ADCY5: variants seen among roughly 807,000 people sequenced by gnomAD.
ADCY5 encodes adenylate cyclase 5.
In ADCY5, 30 loss-of-function variants were observed where a neutral mutation model predicts 119.7. That is an observed-to-expected ratio of 0.25 (90% confidence interval 0.19 to 0.34). ADCY5 has a LOEUF of 0.34. ADCY5 is among the 10% of genes least tolerant of loss of function. The probability of loss-of-function intolerance (pLI) is 1.00; values close to 1 mark genes in which losing one functional copy is unlikely to be tolerated. For synonymous variants in ADCY5, 753 were observed against 762.2 expected, an observed-to-expected ratio of 0.99 and a Z score of 0.20; for missense variants, 1,324 against 1,775.2, an observed-to-expected ratio of 0.75 and a Z score of 4.57.
At chr3:123,313,345 G>A (rs1406705849) in intron 12 of ADCY5, among the ~76,000 whole-genome samples, 2 of 152,226 alleles carry the variant, frequency 1.3e-5, no homozygotes, top group South Asian at 4.1e-4. Flanking sequence ...CCAGAAGGAA[G>A]ACATGGTGCT....
At chr3:123,397,217 G>A (rs1316241817) in intron 1 of ADCY5, among the ~76,000 whole-genome samples, 2 of 152,168 alleles carry the variant, frequency 1.3e-5, no homozygotes, top group Non-Finnish European at 2.9e-5. Flanking sequence ...CTGCAGCACA[G>A]CAGAGGGGGA....
intron 1 of ADCY5, among the ~76,000 whole-genome samples, chr3:123,376,499 A>G (rs1943838630): frequency 6.6e-6 from 1 of 152,108 alleles, no homozygotes; most frequent in Admixed American, 6.5e-5. Flanking sequence ...TATTTTTGAG[A>G]AAAGTGTCAT....
Position 123,345,227 on chromosome 3 carries a change from T to C in ADCY5, c.1406+2555A>G, listed in dbSNP as rs567200543. ...AGAGCCAGCACCGTGGAACGAGGAA[T>C]AGGAAGATGCCTGCTGAGTGGGAGA... On this transcript the variant is annotated intron_variant, in intron 3 of 20. Coordinates refer to ENST00000462833, the MANE Select transcript of ADCY5 (RefSeq NM_183357.3). Among the ~76,000 whole-genome samples the C allele has an allele frequency of 7.2e-5, 11 of 152,220 alleles. No homozygotes were observed. The East Asian group carries it at 2.1e-3, about 29-fold the overall frequency.
In ADCY5 at chr3:123,448,083, A is replaced by C. The variant is rs1167734608; in HGVS notation, c.463T>G (p.Ser155Ala). 4.9e-6 allele frequency: 6 copies of C among 1,217,796 alleles called. No individual in the cohort carries two copies. Among genetic ancestry groups the C allele is most frequent in the Middle Eastern group, 3.2e-4 (1 of 3,082 alleles). 75.4% of individuals were successfully genotyped at this position (1,217,796 alleles called of 1,614,324 possible). A position where few individuals can be genotyped will look rare whatever the true frequency, so the allele number is the denominator to read the frequency against. ...CGCTCCTCCAGACCCACCTCCACCG[A>C]GCGAGGGCGCACCTCCGTCCCGCCC... ...SAGGTEVRPR[S>A]VEVGLEERRG... is the part of the protein sequence containing the mutation. Residue 155 changes from serine (S) to alanine (A), a missense_variant, in exon 1 of 21, where the codon TCG becomes GCG. Physicochemically the swap from Ser to Ala is moderately conservative, Grantham distance 99. This residue lies in a region of ADCY5 where 585 missense variants were observed against 569.9 expected (regional missense o/e 1.03). Coordinates refer to ENST00000462833, the MANE Select transcript of ADCY5 (RefSeq NM_183357.3).
intron 17 of ADCY5, among the ~76,000 whole-genome samples, chr3:123,295,318 C>T (rs1170343376): frequency 6.6e-6 from 1 of 152,230 alleles, no homozygotes; most frequent in African/African-American, 2.4e-5. Flanking sequence ...GAGGCCGGGC[C>T]AGGCTAAGCT....
In ADCY5 at chr3:123,290,011, G is replaced by A. The variant is rs144613278; in HGVS notation, c.3328-57C>T. ...CAAGCCTGGGACACCGAGGGCCACA[G>A]GGAGGGACAGAGGATGTCCAGGGAA... is the stretch of plus-strand genomic sequence containing the variant. On this transcript the variant is annotated intron_variant, in intron 18 of 20. Transcript: ENST00000462833. The A allele has an allele frequency of 7.5e-5, 118 of 1,565,924 alleles. No homozygotes were observed. In the African/African-American group the frequency reaches 1.5e-3, roughly 20 times the overall value.
At chr3:123,395,127 G>C (rs1944505765) in intron 1 of ADCY5, among the ~76,000 whole-genome samples, 1 of 152,184 alleles carries the variant, frequency 6.6e-6, no homozygotes. Context: ...TCCCCACTCA[G>C]AGGGCTGACC....
At chr3:123,414,121 G>C (rs1945129046) in intron 1 of ADCY5, among the ~76,000 whole-genome samples, 1 of 152,142 alleles carries the variant, frequency 6.6e-6, no homozygotes. Flanking sequence ...CCTGTGATGA[G>C]TCAATGAAGA....
intron 1 of ADCY5, among the ~76,000 whole-genome samples, chr3:123,384,594 C>T (rs6790540): frequency 0.48 from 72,502 of 152,050 alleles, 18,108 homozygotes; most frequent in East Asian, 0.68. Context: ...CCTCTGACCC[C>T]AGAACCAAGC....
intron 1 of ADCY5, among the ~76,000 whole-genome samples, chr3:123,380,790 C>G (rs1336229317): frequency 1.3e-5 from 2 of 152,172 alleles, no homozygotes; most frequent in Non-Finnish European, 2.9e-5. Context: ...AACATGTCAT[C>G]AACATCATTA....
At chr3:123,349,380 C>G (rs1294293478) in intron 2 of ADCY5, among the ~76,000 whole-genome samples, 3 of 152,208 alleles carry the variant, frequency 2.0e-5, no homozygotes, top group Non-Finnish European at 4.4e-5. Context: ...CATCTGGAAA[C>G]AGCTCTCACA....
At chr3:123,347,432 G>A (rs1357433275) in intron 3 of ADCY5, among the ~76,000 whole-genome samples, 7 of 152,102 alleles carry the variant, frequency 4.6e-5, no homozygotes, top group Admixed American at 4.6e-4. Flanking sequence ...TGAGATGATG[G>A]TGGTGACATT....
chr3:123,381,832 C>T (rs991833425), intron 1 of ADCY5, among the ~76,000 whole-genome samples: 6 of 152,196 alleles, frequency 3.9e-5, no homozygotes, highest in Non-Finnish European at 5.9e-5. Flanking sequence ...CTGGCTTCTA[C>T]CCTTGGGCCT....
intron 1 of ADCY5, among the ~76,000 whole-genome samples, chr3:123,369,986 G>A (rs1212588223): frequency 1.3e-5 from 2 of 152,214 alleles, no homozygotes; most frequent in Non-Finnish European, 2.9e-5. Context: ...ACGGCCACGG[G>A]AAGCACTGAC....
At chr3:123,326,476 A>G (rs1170989144) in intron 7 of ADCY5, among the ~76,000 whole-genome samples, 1 of 151,988 alleles carries the variant, frequency 6.6e-6, no homozygotes, top group Admixed American at 6.5e-5. Context: ...TCCTTTTTGG[A>G]CCGCTTGTCC....
chr3:123,320,713 C>G (rs986732342), intron 9 of ADCY5, 36 bp downstream of exon 9: 5 of 1,611,384 alleles, frequency 3.1e-6, no homozygotes, highest in Non-Finnish European at 4.2e-6. Flanking sequence ...TCCCCCAGAC[C>G]CAGGGAGCAG....
At chr3:123,337,759 T>C (rs113139381) in intron 3 of ADCY5, among the ~76,000 whole-genome samples, 3,526 of 152,332 alleles carry the variant, frequency 0.023, 154 homozygotes, top group African/African-American at 0.081. Context: ...CAAATAAAAC[T>C]ACATTCACAG....
chr3:123,319,353 C>CAAAAAAAAAAAAAAAAAAAAAAAAAA (rs34573753), intron 10 of ADCY5, among the ~76,000 whole-genome samples: 1 of 118,444 alleles, frequency 8.4e-6, no homozygotes, highest in African/African-American at 3.2e-5. Flanking sequence ...AACTCCGTCT[C>CAAAAAAAAAAAAAAAAAAAAAAAAAA]AAAAAAAAAA....
At chr3:123,301,569 G>A (rs1001044041) in intron 14 of ADCY5, among the ~76,000 whole-genome samples, 18 of 152,218 alleles carry the variant, frequency 1.2e-4, no homozygotes, top group African/African-American at 3.6e-4. Context: ...TGGTCTGTGA[G>A]GAGTTGCTGA....
Sources: allele counts gnomAD v4.1 joint callset (sites outside exome capture counted in the v4.1 genomes callset), GRCh38; gene constraint gnomAD v4.1.1; regional missense constraint gnomAD v4.1.1; transcripts MANE v1.5; gene names NCBI Gene and HGNC (gene_info 2026-07-23, HGNC 2026-07-21).